Variants in SLC24A2 observed in about 807,000 individuals in gnomAD.
SLC24A2 encodes solute carrier family 24 member 2.
SLC24A2 carries 36 observed loss-of-function variants against 62.0 expected under a neutral mutation model. The ratio of observed to expected loss-of-function variants is 0.58; its 90% confidence interval spans 0.44 to 0.77. The LOEUF is 0.77. Ranked by LOEUF, SLC24A2 falls within the 30% of genes least tolerant of loss-of-function variation. The pLI, the probability that SLC24A2 is intolerant of heterozygous loss-of-function variation, is 0.00. For synonymous variants in SLC24A2, 358 were observed against 294.0 expected (o/e 1.22, Z -2.23); for missense variants, 846 against 817.9 (o/e 1.03, Z -0.42).
At chr9:20,221,538 G>A in the SLC24A2 span, among the ~76,000 whole-genome samples, 1 of 151,720 alleles carries the variant, frequency 6.6e-6, no homozygotes, top group East Asian at 1.9e-4. Flanking sequence ...GAAAAGGGAA[G>A]GAGAAAAGAA....
At chr9:19,678,444 A>C (rs1446407606) in intron 2 of SLC24A2, among the ~76,000 whole-genome samples, 1 of 152,208 alleles carries the variant, frequency 6.6e-6, no homozygotes, top group Non-Finnish European at 1.5e-5. Flanking sequence ...TGAAATGATT[A>C]AAACAACCAA....
chr9:20,158,816 A>G, the SLC24A2 span, among the ~76,000 whole-genome samples: 38 of 151,744 alleles, frequency 2.5e-4, no homozygotes, highest in African/African-American at 8.9e-4. Flanking sequence ...TATTTAAACT[A>G]TAACTAAATA....
intron 5 of SLC24A2, among the ~76,000 whole-genome samples, chr9:19,588,869 G>A (rs2383102): frequency 6.6e-6 from 1 of 152,184 alleles, no homozygotes; most frequent in African/African-American, 2.4e-5. Flanking sequence ...GCTGAGGCAG[G>A]AGAATCGCTG....
chr9:20,099,859 C>T, the SLC24A2 span, among the ~76,000 whole-genome samples: 1 of 152,082 alleles, frequency 6.6e-6, no homozygotes, highest in Admixed American at 6.5e-5. Flanking sequence ...CAGCCCCCTT[C>T]TACTGAAATA....
chr9:20,019,524 G>A, the SLC24A2 span, among the ~76,000 whole-genome samples: 4 of 152,114 alleles, frequency 2.6e-5, no homozygotes, highest in Non-Finnish European at 5.9e-5. Context: ...CCTCTGTTCT[G>A]TCCCATTGGA....
At chr9:19,733,197 G>A (rs1033810676) in intron 2 of SLC24A2, among the ~76,000 whole-genome samples, 6 of 152,038 alleles carry the variant, frequency 3.9e-5, no homozygotes, top group African/African-American at 7.2e-5. Context: ...GGGGAGAACA[G>A]GGCACTATAA....
the SLC24A2 span, among the ~76,000 whole-genome samples, chr9:19,986,617 A>T: frequency 6.6e-6 from 1 of 152,186 alleles, no homozygotes; most frequent in South Asian, 2.1e-4. Flanking sequence ...CACAAAAAGG[A>T]ATGAGGTACT....
At chr9:19,612,093 G>T (rs1385930952) in intron 4 of SLC24A2, among the ~76,000 whole-genome samples, 3 of 152,054 alleles carry the variant, frequency 2.0e-5, no homozygotes, top group Admixed American at 2.0e-4. Context: ...CTCTCTCATG[G>T]GCTTGCTGAG....
chr9:20,288,193 G>A, the SLC24A2 span, among the ~76,000 whole-genome samples: 1 of 152,148 alleles, frequency 6.6e-6, no homozygotes, highest in African/African-American at 2.4e-5. Context: ...GCAGGGGCAG[G>A]GGAGTATACA....
chr9:19,952,596 C>A, the SLC24A2 span, among the ~76,000 whole-genome samples: 21 of 148,564 alleles, frequency 1.4e-4, no homozygotes, highest in Non-Finnish European at 3.1e-4. Flanking sequence ...ATTTTTGTTT[C>A]TTTCTTGTGA....
chr9:19,911,792 T>G, the SLC24A2 span, among the ~76,000 whole-genome samples: 15 of 152,296 alleles, frequency 9.8e-5, no homozygotes, highest in African/African-American at 3.6e-4. Context: ...GAGACACATC[T>G]ATGATGCACC....
chr9:20,015,879 C>A, the SLC24A2 span, among the ~76,000 whole-genome samples: 3 of 152,098 alleles, frequency 2.0e-5, no homozygotes, highest in East Asian at 5.8e-4. Context: ...AGGAAATGTC[C>A]CACTTAACAT....
rs1347729591 is a variant in SLC24A2, at chr9:19,510,119, A to C, written c.*6034T>G. 6.6e-6 allele frequency: 1 copy of C among 152,130 alleles called. No homozygotes were observed. Among genetic ancestry groups the C allele is most frequent in the East Asian group, 1.9e-4 (1 of 5,194 alleles). 9.4% of individuals were successfully genotyped at this position (152,130 alleles called of 1,614,324 possible). ...CAATTTTGAGTTCTTTGTGAGTCTG[A>C]GATTATGACCTAATGACCTTAAAAG... On this transcript the variant is annotated 3_prime_UTR_variant, in exon 11 of 11. Coordinates refer to ENST00000341998, the MANE Select transcript of SLC24A2 (RefSeq NM_020344.4).
chr9:20,091,164 A>T, the SLC24A2 span, among the ~76,000 whole-genome samples: 1 of 152,102 alleles, frequency 6.6e-6, no homozygotes, highest in Non-Finnish European at 1.5e-5. Flanking sequence ...AAAAAAAAAG[A>T]ATAAGAAAGA....
the SLC24A2 span, among the ~76,000 whole-genome samples, chr9:19,838,717 A>G: frequency 6.6e-6 from 1 of 151,902 alleles, no homozygotes; most frequent in African/African-American, 2.4e-5. Context: ...GTTAATTTCT[A>G]AGCATTGTAT....
intron 2 of SLC24A2, among the ~76,000 whole-genome samples, chr9:19,704,006 A>G (rs972808713): frequency 2.6e-5 from 4 of 152,224 alleles, no homozygotes; most frequent in African/African-American, 9.6e-5. Context: ...AAATAACTCC[A>G]GTGTTTGATC....
At chr9:19,953,942 T>A in the SLC24A2 span, among the ~76,000 whole-genome samples, 2 of 151,990 alleles carry the variant, frequency 1.3e-5, no homozygotes, top group African/African-American at 4.8e-5. Context: ...CACTGTCCTA[T>A]TGATATTGAA....
chr9:20,275,703 A>T, the SLC24A2 span, among the ~76,000 whole-genome samples: 80 of 152,312 alleles, frequency 5.3e-4, no homozygotes, highest in African/African-American at 1.8e-3. Flanking sequence ...CTCCATTTTC[A>T]TATGGCTATG....
intron 2 of SLC24A2, among the ~76,000 whole-genome samples, chr9:19,779,039 G>C (rs1822929780): frequency 6.6e-6 from 1 of 152,148 alleles, no homozygotes; most frequent in African/African-American, 2.4e-5. Context: ...GCGCTTTAGA[G>C]CAGATTAGAC....
Sources: gnomAD v4.1 joint callset for allele counts (sites outside exome capture counted in the v4.1 genomes callset) on GRCh38, gnomAD v4.1.1 for gene constraint, MANE v1.5 for transcripts, NCBI Gene and HGNC (gene_info 2026-07-23, HGNC 2026-07-21) for gene names.